BRD8: variants seen among roughly 807,000 people sequenced by gnomAD.
BRD8 encodes the protein bromodomain-containing protein 8.
In BRD8, 67 loss-of-function variants were observed where a neutral mutation model predicts 143.1. The observed-to-expected ratio is 0.47, with a 90% CI of 0.38 to 0.57. The LOEUF is 0.57. BRD8 is among the 20% of genes least tolerant of loss of function. The probability of loss-of-function intolerance (pLI) is 0.00; values close to 1 mark genes in which losing one functional copy is unlikely to be tolerated. For synonymous variants in BRD8, 505 were observed against 517.1 expected (o/e 0.98, Z 0.32); for missense variants, 1,103 against 1,503.0 (o/e 0.73, Z 4.40).
chr5:138,161,683 T>C (rs547245523), intron 17 of BRD8, 113 bp downstream of exon 17: 7 of 1,057,290 alleles, frequency 6.6e-6, no homozygotes, highest in Middle Eastern at 4.2e-4. Context: ...GTGCCCCTTA[T>C]AGCAAAACCA....
chr5:138,177,789 A>G, intron 1 of BRD8, 122 bp from the exon 2 acceptor site: 1 of 555,060 alleles, frequency 1.8e-6, no homozygotes, highest in Non-Finnish European at 3.2e-6. Context: ...TTGTTAGGAC[A>G]AAGTGAGCTA....
chr5:138,178,630 T>C lies in BRD8; in HGVS notation c.-16A>G, dbSNP rs1253784186. 2.5e-6 allele frequency: 4 copies of C among 1,613,362 alleles called. No homozygotes were observed. Among genetic ancestry groups the C allele is most frequent in the East Asian group, 2.2e-5 (1 of 44,874 alleles). Reference sequence around the variant, plus strand: ...CCGTCGCCATCTTGGCCCCGAAGTCTCCAACCCTGAGGAGAGACGGTCTGG... The same window carrying C: ...CCGTCGCCATCTTGGCCCCGAAGTCCCCAACCCTGAGGAGAGACGGTCTGG... On this transcript the variant is annotated 5_prime_UTR_variant, in exon 1 of 27. Coordinates refer to ENST00000254900, the MANE Select transcript of BRD8 (RefSeq NM_139199.2).
chr5:138,159,795 C>T (rs1306700023), intron 19 of BRD8, among the ~76,000 whole-genome samples, 196 bp from the exon 20 acceptor site: 1 of 152,230 alleles, frequency 6.6e-6, no homozygotes, highest in African/African-American at 2.4e-5. Flanking sequence ...CCAACTGCTG[C>T]AGGCTAAGCC....
rs922911276 is a variant in BRD8 at position 138,167,950 on chromosome 5, G to A, written c.771C>T (p.Ala257=). The A allele has an allele frequency of 6.8e-6, 11 of 1,613,512 alleles. No individual in the cohort carries two copies. The highest frequency in any genetic ancestry group is 9.3e-6 in the Non-Finnish European group (11 of 1,179,466). The change falls in exon 9 of 27, where the codon GCC becomes GCT. Residue 257 remains alanine (A), a synonymous_variant. Transcript: ENST00000254900. ...GTAACTTACCTGATGCAGCAGGGGA[G>A]GCTGCAACAGTATTGGGTGTTTGCT... ...EIQQTPNTVA[A]SPAASGAPTL...
At chr5:138,175,669 G>A (rs964769536) in intron 2 of BRD8, among the ~76,000 whole-genome samples, 3 of 148,456 alleles carry the variant, frequency 2.0e-5, no homozygotes, top group South Asian at 2.1e-4. Flanking sequence ...GTGGGACCTC[G>A]TCTCTACAAA....
chr5:138,147,542 C>G (rs1053108074), intron 23 of BRD8, among the ~76,000 whole-genome samples: 6 of 152,118 alleles, frequency 3.9e-5, no homozygotes, highest in African/African-American at 1.2e-4. Flanking sequence ...GACGTAGTGG[C>G]TCATGCCTAT....
chr5:138,161,702 C>G, intron 17 of BRD8, 94 bp downstream of exon 17: 8 of 1,294,846 alleles, frequency 6.2e-6, no homozygotes, highest in South Asian at 1.4e-5. Context: ...CATAAACTTA[C>G]TTGCTTTAAA....
intron 2 of BRD8, among the ~76,000 whole-genome samples, chr5:138,173,371 C>A (rs1196751222): frequency 2.0e-5 from 3 of 149,992 alleles, no homozygotes; most frequent in Non-Finnish European, 4.4e-5. Context: ...GCATTCCAAC[C>A]TGGGTGACAC....
intron 2 of BRD8, among the ~76,000 whole-genome samples, chr5:138,175,912 CAAAAAA>C (rs59338837): frequency 1.6e-4 from 3 of 18,592 alleles, no homozygotes; most frequent in Non-Finnish European, 2.9e-4. Context: ...ACCCTGTCTG[CAAAAAA>C]AAAAAAAAAA....
intron 9 of BRD8, 29 bp from the exon 10 acceptor site, chr5:138,166,756 A>G: frequency 7.3e-7 from 1 of 1,364,922 alleles, no homozygotes; most frequent in Non-Finnish European, 1.0e-6. Context: ...CACAAAATGA[A>G]GTAAGAAGAA....
intron 25 of BRD8, among the ~76,000 whole-genome samples, chr5:138,144,376 G>GT (rs1752049656): frequency 6.6e-6 from 1 of 152,018 alleles, no homozygotes; most frequent in South Asian, 2.1e-4. Flanking sequence ...TTTAAGAACT[G>GT]TAACACCACG....
chr5:138,141,007 A>C, intron 25 of BRD8, 125 bp from the exon 26 acceptor site: 3 of 976,332 alleles, frequency 3.1e-6, no homozygotes, highest in Middle Eastern at 3.2e-4. Flanking sequence ...AACAACCCTC[A>C]TCAGATAATA....
chr5:138,163,003 AG>A, intron 15 of BRD8, 126 bp downstream of exon 15: 1 of 812,734 alleles, frequency 1.2e-6, no homozygotes, highest in Non-Finnish European at 1.9e-6. Context: ...AAAAAAGAGA[AG>A]GAAAGGAAAG....
rs1235112926 is a variant in BRD8, at chr5:138,145,794, A to G, written c.3363T>C (p.Ser1121=). 1 of 1,613,774 alleles carries G rather than the reference A, an allele frequency of 6.2e-7. No homozygotes were observed. The highest frequency in any genetic ancestry group is 2.2e-5 in the East Asian group (1 of 44,860). ...TLLPVWKMIA[S]HRFSSPFLKP... ...TTACCACTTTGGAGACCTACCTGTG[A>G]CTGGCAATCATCTTCCAGACTGGCA... Residue 1121 remains serine, a synonymous_variant, in exon 24 of 27, where the codon AGT becomes AGC. Transcript: ENST00000254900.
At chr5:138,148,903 CAA>C (rs1752270619) in intron 23 of BRD8, among the ~76,000 whole-genome samples, 1 of 151,376 alleles carries the variant, frequency 6.6e-6, no homozygotes, top group Admixed American at 6.6e-5. Flanking sequence ...GCCCTGTCTA[CAA>C]AAAATAAAAA....
intron 8 of BRD8, 104 bp from the exon 9 acceptor site, chr5:138,168,182 T>TA: frequency 1.2e-6 from 1 of 800,696 alleles, no homozygotes; most frequent in South Asian, 1.7e-5. Context: ...AACTAATAGC[T>TA]AATATCCACA....
chr5:138,171,459 A>G, intron 3 of BRD8, 49 bp from the exon 4 acceptor site: 3 of 1,186,192 alleles, frequency 2.5e-6, no homozygotes, highest in South Asian at 2.5e-5. Context: ...AAGGCTGGAA[A>G]GAAATGACCT....
Position 138,166,679 on chromosome 5 carries a change from G to A in BRD8, c.836C>T (p.Thr279Ile). The change falls in exon 10 of 27, where the codon ACC becomes ATC. Residue 279 changes from threonine (T) to isoleucine (I), a missense_variant. Physicochemically the swap from Thr to Ile is moderately conservative, Grantham distance 89 (BLOSUM62 -1). Transcript: ENST00000254900. ...RLLEAGPTQF[T>I]TPLASFTTVA... ...AGTAGTGAAGGAAGCAAGAGGTGTG[G>A]TGAACTGTGTAGGACCAGCTTCTAA... 1.2e-6 allele frequency: 2 copies of A among 1,613,966 alleles called. No individual in the cohort carries two copies. Among genetic ancestry groups the A allele is most frequent in the Non-Finnish European group, 1.7e-6 (2 of 1,179,912 alleles).
At chr5:138,166,894 A>C (rs1398228166) in intron 9 of BRD8, 167 bp from the exon 10 acceptor site, 2 of 574,902 alleles carry the variant, frequency 3.5e-6, no homozygotes, top group East Asian at 6.0e-5. Flanking sequence ...ACCTTACTTA[A>C]GATCTTCCTC....
Sources: allele counts gnomAD v4.1 joint callset (sites outside exome capture counted in the v4.1 genomes callset), GRCh38; gene constraint gnomAD v4.1.1; transcripts MANE v1.5; gene names NCBI Gene and HGNC (gene_info 2026-07-23, HGNC 2026-07-21).